The following CEP85L variants were observed in gnomAD, a reference collection of about 807,000 sequenced individuals.
The protein encoded by CEP85L is centrosomal protein 85L, also known as centrosomal protein of 85 kDa-like.
A neutral mutation model predicts 100.3 loss-of-function variants in CEP85L; 60 were observed. The ratio of observed to expected loss-of-function variants is 0.60; its 90% CI spans 0.49 to 0.74. CEP85L has a LOEUF of 0.74. Among genes scored for constraint, CEP85L ranks in the 30% least tolerant of loss-of-function variants. The pLI, the probability that CEP85L is intolerant of heterozygous loss-of-function variation, is 0.00. For synonymous variants in CEP85L, 319 were observed against 322.7 expected (o/e 0.99, Z 0.12); for missense variants, 973 against 936.2 (o/e 1.04, Z -0.51).
At chr6:118,695,853 G>A (rs150983371) in intron 1 of CEP85L, among the ~76,000 whole-genome samples, 1 of 152,232 alleles carries the variant, frequency 6.6e-6, no homozygotes, top group Non-Finnish European at 1.5e-5. Flanking sequence ...AGGGTGATGA[G>A]GGCTACTAAT....
intron 1 of CEP85L, among the ~76,000 whole-genome samples, chr6:118,642,189 A>G (rs1307241742): frequency 6.6e-6 from 1 of 152,128 alleles, no homozygotes; most frequent in Non-Finnish European, 1.5e-5. Flanking sequence ...TTTGGGTGAA[A>G]TTTTTGCTGT....
chr6:118,514,533 A>AG (rs1776153417), intron 4 of CEP85L, among the ~76,000 whole-genome samples: 1 of 146,122 alleles, frequency 6.8e-6, no homozygotes, highest in Admixed American at 6.8e-5. Flanking sequence ...TCAAAAAAAA[A>AG]AAAAAAAAAA....
chr6:118,506,243 G>A (rs1424495059), intron 5 of CEP85L, among the ~76,000 whole-genome samples: 2 of 152,032 alleles, frequency 1.3e-5, no homozygotes, highest in Non-Finnish European at 2.9e-5. Flanking sequence ...GAGATAACTT[G>A]GACAGTCTGA....
intron 4 of CEP85L, among the ~76,000 whole-genome samples, chr6:118,520,088 TCA>T (rs1776569126): frequency 6.6e-6 from 1 of 152,124 alleles, no homozygotes; most frequent in Non-Finnish European, 1.5e-5. Flanking sequence ...ACAGCTAACA[TCA>T]CACTTAATGG....
At chr6:118,493,855 A>C (rs1240585846) in intron 5 of CEP85L, among the ~76,000 whole-genome samples, 3 of 152,172 alleles carry the variant, frequency 2.0e-5, no homozygotes, top group Non-Finnish European at 2.9e-5. Flanking sequence ...GACACCAGGC[A>C]GAAAGATAGA....
chr6:118,683,162 A>G (rs1476462555), intron 1 of CEP85L, among the ~76,000 whole-genome samples: 1 of 152,202 alleles, frequency 6.6e-6, no homozygotes, highest in East Asian at 1.9e-4. Flanking sequence ...ATTCCAGACA[A>G]GATAATTTTG....
At chr6:118,560,567 T>C (rs1003829773) in intron 3 of CEP85L, 2 of 167,016 alleles carry the variant, frequency 1.2e-5, no homozygotes, top group African/African-American at 4.8e-5. Context: ...AGTGGACCCT[T>C]GCAATTCAAG....
rs548729674 is a variant in CEP85L, at chr6:118,565,554, C to T, written c.995G>A (p.Arg332Gln). 8.7e-5 allele frequency: 140 copies of T among 1,614,120 alleles called. 2 individuals are homozygous for T. The South Asian group carries it at 1.4e-3, about 16-fold the overall frequency. ...PWQQQQIEDFRQGSETPMQVL... is the reference protein window; with the variant it reads ...PWQQQQIEDFQQGSETPMQVL... Reference sequence around the variant, plus strand: ...CTGCATTGGTGTTTCACTTCCTTGTCGAAAGTCTTCAATTTGCTGCTGTTG... The same window carrying T: ...CTGCATTGGTGTTTCACTTCCTTGTTGAAAGTCTTCAATTTGCTGCTGTTG... Residue 332 changes from arginine to glutamine, a missense_variant, in exon 3 of 13, where the codon CGA becomes CAA. Physicochemically the swap from Arg to Gln is conservative, Grantham distance 43. Coordinates refer to ENST00000368491, the MANE Select transcript of CEP85L (RefSeq NM_001042475.3).
intron 2 of CEP85L, among the ~76,000 whole-genome samples, chr6:118,612,693 G>GAC (rs1274765950): frequency 4.4e-5 from 3 of 68,434 alleles, no homozygotes; most frequent in African/African-American, 1.8e-4. Context: ...GGGGGGGGGG[G>GAC]ACTCTCAAAT....
At chr6:118,533,758 G>C (rs1274796874) in intron 3 of CEP85L, among the ~76,000 whole-genome samples, 1 of 152,104 alleles carries the variant, frequency 6.6e-6, no homozygotes, top group Admixed American at 6.6e-5. Context: ...TAATACGTTT[G>C]GCATACGGTT....
intron 3 of CEP85L, chr6:118,560,340 AAAGT>A (rs1355909039): frequency 6.0e-6 from 1 of 167,062 alleles, no homozygotes; most frequent in Non-Finnish European, 1.5e-5. Flanking sequence ...TTCCTACAAT[AAAGT>A]AAGCTAGAGA....
chr6:118,491,194 T>TACACAC lies in CEP85L; in HGVS notation c.1437+491_1437+492insGTGTGT, dbSNP rs1491518154. 4.7e-4 allele frequency among the ~76,000 whole-genome samples: 38 copies of TACACAC among 81,296 alleles called. 1 individual carries two copies. The highest frequency in any genetic ancestry group is 8.2e-4 in the Non-Finnish European group (28 of 34,270). 53.3% of individuals were successfully genotyped at this position (81,296 alleles called of 152,430 possible). A position where few individuals can be genotyped will look rare whatever the true frequency, so the allele number is the denominator to read the frequency against. The stretch of plus-strand genomic sequence containing the variant: ...TTCCCTTCTATTTCATACCAACATC[T>TACACAC]ATACACACACACACACACACACACA... On this transcript the variant is annotated intron_variant, in intron 6 of 12. Coordinates refer to ENST00000368491, the MANE Select transcript of CEP85L (RefSeq NM_001042475.3).
chr6:118,566,056 G>T lies in CEP85L; in HGVS notation c.493C>A (p.Pro165Thr), dbSNP rs1330835173. The T allele has an allele frequency of 6.2e-7, 1 of 1,614,158 alleles. No individual in the cohort carries two copies. The highest frequency in any genetic ancestry group is 2.2e-5 in the East Asian group (1 of 44,890). The change falls in exon 3 of 13, where the codon CCG becomes ACG. Residue 165 changes from proline to threonine, a missense_variant. Physicochemically the swap from Pro to Thr is conservative, Grantham distance 38. Transcript: ENST00000368491. ...GTGCCACCCTGGCCACAGTTATCCG[G>T]GGCAGTGAGTTTGGATAAAGATGAC... Reference protein sequence around the residue: ...KWSSLSKLTAPDNCGQGGTVC... With the variant: ...KWSSLSKLTATDNCGQGGTVC...
At chr6:118,591,699 G>T (rs760142733) in intron 2 of CEP85L, among the ~76,000 whole-genome samples, 16 of 152,096 alleles carry the variant, frequency 1.1e-4, no homozygotes, top group Non-Finnish European at 2.2e-4. Flanking sequence ...GCTTGCTTGA[G>T]CCCACTCCCA....
intron 10 of CEP85L, among the ~76,000 whole-genome samples, 157 bp from the exon 11 acceptor site, chr6:118,470,801 T>C (rs1772895605): frequency 6.6e-6 from 1 of 152,108 alleles, no homozygotes; most frequent in South Asian, 2.1e-4. Context: ...CTAATCCCTA[T>C]CAGTTAGAGA....
chr6:118,514,851 C>T (rs914809526), intron 4 of CEP85L, among the ~76,000 whole-genome samples: 1 of 151,704 alleles, frequency 6.6e-6, no homozygotes, highest in Non-Finnish European at 1.5e-5. Context: ...GTCACTCAGG[C>T]TGGAAGGCAG....
intron 1 of CEP85L, among the ~76,000 whole-genome samples, chr6:118,645,683 A>AAAAC (rs566409322): frequency 2.6e-5 from 4 of 152,200 alleles, no homozygotes; most frequent in East Asian, 1.9e-4. Context: ...AAAACAAAAC[A>AAAAC]AAACAAACAA....
chr6:118,502,615 G>A, intron 5 of CEP85L: 1 of 483,004 alleles, frequency 2.1e-6, no homozygotes, highest in Non-Finnish European at 3.8e-6. Context: ...AGAAGCTGAA[G>A]TATTCCAGAA....
chr6:118,482,960 G>C (rs1773898594), intron 7 of CEP85L, among the ~76,000 whole-genome samples: 1 of 152,124 alleles, frequency 6.6e-6, no homozygotes, highest in Non-Finnish European at 1.5e-5. Context: ...TTTACATTTT[G>C]GGTTTGGGAT....
Sources: gnomAD v4.1 joint callset for allele counts (sites outside exome capture counted in the v4.1 genomes callset) on GRCh38, gnomAD v4.1.1 for gene constraint, MANE v1.5 for transcripts, NCBI Gene and HGNC (gene_info 2026-07-23, HGNC 2026-07-21) for gene names.